Variants in SPNS2 observed in about 807,000 individuals in gnomAD.
SPNS2 encodes the protein sphingosine-1-phosphate transporter SPNS2.
In SPNS2, 37 loss-of-function variants were observed where a neutral mutation model predicts 57.6. The ratio of observed to expected loss-of-function variants is 0.64; its 90% CI spans 0.49 to 0.85. The LOEUF (loss-of-function observed/expected upper bound fraction) is 0.85, where lower values mean the gene tolerates loss of function less well. Ranked by LOEUF, SPNS2 falls within the 40% of genes least tolerant of loss-of-function variation. The pLI is 0.00. For synonymous variants in SPNS2, 440 were observed against 346.9 expected (o/e 1.27, Z -2.98); for missense variants, 831 against 779.1 (o/e 1.07, Z -0.79).
intron 1 of SPNS2, 128 bp from the exon 2 acceptor site, chr17:4,513,119 C>T (rs907042824): frequency 1.6e-5 from 16 of 1,002,150 alleles, no homozygotes; most frequent in African/African-American, 4.8e-5. Context: ...GGGTAGAGGT[C>T]GCAGCAGAGC....
chr17:4,534,711 T>C (rs924204408), intron 9 of SPNS2, among the ~76,000 whole-genome samples: 47 of 151,962 alleles, frequency 3.1e-4, no homozygotes, highest in Non-Finnish European at 7.4e-5. Context: ...CCCGAGTCCA[T>C]GGGCTGCGGT....
At position 4,538,116 on chromosome 17, in the gene SPNS2, G is replaced by A. The variant is rs2144394411; in HGVS notation, c.*668G>A. ...AGCCTGGAGGTCCCAGATGGGGACT[G>A]TTCTGACAAGCTGGCATCACCAGGG... On this transcript the variant is annotated 3_prime_UTR_variant, in exon 13 of 13. Coordinates refer to ENST00000329078, the MANE Select transcript of SPNS2 (RefSeq NM_001124758.3). 3.2e-6 allele frequency: 1 copy of A among 316,674 alleles called. No homozygotes were observed. Among genetic ancestry groups the A allele is most frequent in the Non-Finnish European group, 6.3e-6 (1 of 159,806 alleles). 19.6% of individuals were successfully genotyped at this position (316,674 alleles called of 1,614,324 possible).
In SPNS2 at chr17:4,513,164, C is replaced by A. The variant is rs866103501; in HGVS notation, c.371-83C>A. ...GCAGATATGGCCAGGCTGGGCCCTG[C>A]AAGGCGGGAAAGAGGCTGGGCTGGT... On this transcript the variant is annotated intron_variant, in intron 1 of 12. Transcript: ENST00000329078. 8.7e-6 allele frequency: 13 copies of A among 1,492,608 alleles called. No individual in the cohort carries two copies. In the African/African-American group the frequency reaches 9.6e-5, roughly 11 times the overall value. 92.5% of individuals were successfully genotyped at this position (1,492,608 alleles called of 1,614,324 possible).
chr17:4,509,547 C>T (rs895584945), intron 1 of SPNS2, among the ~76,000 whole-genome samples: 1 of 152,174 alleles, frequency 6.6e-6, no homozygotes, highest in Non-Finnish European at 1.5e-5. Context: ...GAGGTGTGGG[C>T]GTGTTTGTGG....
rs1905828965 is a variant in SPNS2, at chr17:4,536,661, G to GT, written c.1607+235_1607+236insT. 1.1e-5 allele frequency: 7 copies of GT among 663,066 alleles called. No homozygotes were observed. The South Asian group carries it at 1.1e-4, about 11-fold the overall frequency. The allele number at this position is 663,066 out of a possible 1,614,324, so 41.1% of individuals were successfully genotyped here. A position where few individuals can be genotyped will look rare whatever the true frequency, so the allele number is the denominator to read the frequency against. On this transcript the variant is annotated intron_variant, in intron 11 of 12. Transcript: ENST00000329078. ...ACTTGGGTTTGTCTCTGGACTTAGT[G>GT]GTTTTCAAAGCTGGGGCCCCTCCCC...
At chr17:4,521,149 C>A (rs542055187) in intron 2 of SPNS2, among the ~76,000 whole-genome samples, 1 of 152,292 alleles carries the variant, frequency 6.6e-6, no homozygotes, top group Admixed American at 6.5e-5. Flanking sequence ...ATAGGTTGTC[C>A]TTTAAACAGA....
Position 4,506,174 on chromosome 17 carries a change from C to A in SPNS2, c.370+6757C>A, listed in dbSNP as rs148537178. Among the ~76,000 whole-genome samples, 760 of 152,274 alleles carry A rather than the reference C, an allele frequency of 5.0e-3. 1 individual carries two copies. Among genetic ancestry groups the A allele is most frequent in the Middle Eastern group, 0.01 (3 of 294 alleles). ...GGCCTGGCTCCTGCAGCCTCTGTCC[C>A]GCTCACCTTCTGCACGTCAGCTTCC... is the stretch of plus-strand genomic sequence containing the variant. On this transcript the variant is annotated intron_variant, in intron 1 of 12. Coordinates refer to ENST00000329078, the MANE Select transcript of SPNS2 (RefSeq NM_001124758.3).
intron 5 of SPNS2, 91 bp from the exon 6 acceptor site, chr17:4,532,451 A>C: frequency 1.3e-6 from 2 of 1,571,384 alleles, no homozygotes; most frequent in Non-Finnish European, 1.7e-6. Flanking sequence ...CCTATGGCCC[A>C]GAGAAGGCAT....
chr17:4,526,163 T>C (rs966439106), intron 3 of SPNS2, among the ~76,000 whole-genome samples: 9 of 152,178 alleles, frequency 5.9e-5, no homozygotes, highest in Admixed American at 2.0e-4. Context: ...AACAGTCTCT[T>C]GAAATCCGTG....
At chr17:4,516,336 A>ACC (rs1904991318) in intron 2 of SPNS2, among the ~76,000 whole-genome samples, 1 of 126,666 alleles carries the variant, frequency 7.9e-6, no homozygotes, top group Non-Finnish European at 1.6e-5. Context: ...AAAAAAAAAA[A>ACC]AAAAAAACAA....
chr17:4,536,849 G>GCCCGGC lies in SPNS2; in HGVS notation c.1608-47_1608-42dup, dbSNP rs773717313. ...CACGATGTGCCAGAGCAGTGCCCGG[G>GCCCGGC]CCCGGCCCCCGCTGATGCACCACCC... On this transcript the variant is annotated intron_variant, in intron 11 of 12. Coordinates refer to ENST00000329078, the MANE Select transcript of SPNS2 (RefSeq NM_001124758.3). 84 of 1,508,212 alleles carry GCCCGGC rather than the reference G, an allele frequency of 5.6e-5. No homozygotes were observed. The Admixed American group carries it at 1.3e-3, about 23-fold the overall frequency. The allele number at this position is 1,508,212 out of a possible 1,614,324, so 93.4% of individuals were successfully genotyped here. A position where few individuals can be genotyped will look rare whatever the true frequency, so the allele number is the denominator to read the frequency against.
At chr17:4,530,194 C>G (rs1323338994) in intron 3 of SPNS2, among the ~76,000 whole-genome samples, 1 of 152,158 alleles carries the variant, frequency 6.6e-6, no homozygotes, top group Admixed American at 6.5e-5. Flanking sequence ...GCCCTCAGTG[C>G]TGCCAGGGTT....
At chr17:4,501,144 G>T (rs1420522180) in intron 1 of SPNS2, among the ~76,000 whole-genome samples, 1 of 152,232 alleles carries the variant, frequency 6.6e-6, no homozygotes, top group Non-Finnish European at 1.5e-5. Flanking sequence ...GACTGGCAAA[G>T]CTGGTGTTAG....
Position 4,512,453 on chromosome 17 carries a change from C to T in SPNS2, c.371-794C>T, listed in dbSNP as rs1438015882. On this transcript the variant is annotated intron_variant, in intron 1 of 12. Transcript: ENST00000329078. The surrounding 1 kb of genome is among the most constrained non-coding windows in gnomAD (Gnocchi z 5.2). ...GGTTTCTGGGTGGTCCAGCTGCTGCCCCCACCCCGTGACGTGCAAAGCCCT... is the reference window on the plus strand; with the variant it reads ...GGTTTCTGGGTGGTCCAGCTGCTGCTCCCACCCCGTGACGTGCAAAGCCCT... Among the ~76,000 whole-genome samples the T allele has an allele frequency of 6.6e-6, 1 of 152,062 alleles. No individual in the cohort carries two copies. Among genetic ancestry groups the T allele is most frequent in the Non-Finnish European group, 1.5e-5 (1 of 67,998 alleles).
rs1000336248 is a variant in SPNS2 at position 4,499,131 on chromosome 17, G to A, written c.84G>A (p.Arg28=). Reference sequence around the variant, plus strand: ...ACGCGGAGCGGCGGCGCCGGCGCCGGGGGGCGCAGCGAGGGGCTGGCGGTA... The same window carrying A: ...ACGCGGAGCGGCGGCGCCGGCGCCGAGGGGCGCAGCGAGGGGCTGGCGGTA... ...EADAERRRRR[R]GAQRGAGGSG... The change falls in exon 1 of 13, where the codon CGG becomes CGA. Residue 28 remains arginine (R), a synonymous_variant. Coordinates refer to ENST00000329078, the MANE Select transcript of SPNS2 (RefSeq NM_001124758.3). The surrounding 1 kb of genome is among the most constrained non-coding windows in gnomAD (Gnocchi z 5.2). The A allele has an allele frequency of 2.1e-5, 24 of 1,151,430 alleles. No homozygotes were observed. Among genetic ancestry groups the A allele is most frequent in the Non-Finnish European group, 2.5e-5 (23 of 935,868 alleles). The allele number at this position is 1,151,430 out of a possible 1,614,324, so 71.3% of individuals were successfully genotyped here.
chr17:4,524,398 G>C (rs948563277), intron 2 of SPNS2, among the ~76,000 whole-genome samples: 6 of 152,172 alleles, frequency 3.9e-5, no homozygotes, highest in Admixed American at 6.5e-5. Context: ...TACATGATGA[G>C]ATATGGCTGG....
rs1045845 is a variant in SPNS2, at chr17:4,538,590, C to G, written c.*1142C>G. On this transcript the variant is annotated 3_prime_UTR_variant, in exon 13 of 13. Transcript: ENST00000329078. ...AGCTTAGCCCCCTGCGTCACCCACT[C>G]CCTGCACTTCTGCTGCAATCAAGGT... is the stretch of plus-strand genomic sequence containing the variant. 162,039 of 411,274 alleles carry G rather than the reference C, an allele frequency of 0.39. 32,779 individuals carry two copies. The highest frequency in any genetic ancestry group is 0.47 in the East Asian group (8,480 of 18,180). The allele number at this position is 411,274 out of a possible 1,614,324, so 25.5% of individuals were successfully genotyped here.
chr17:4,537,232 G>A lies in SPNS2; in HGVS notation c.*5-221G>A, dbSNP rs140757448. On this transcript the variant is annotated intron_variant, in intron 12 of 12. Transcript: ENST00000329078. ...TGGCCAGGAACTCCTCACTCTGTCC[G>A]GACTTCTGTTCTCCCAAATCCTCCT... Among the ~76,000 whole-genome samples, 880 of 152,190 alleles carry A rather than the reference G, an allele frequency of 5.8e-3. 8 individuals carry two copies. Among genetic ancestry groups the A allele is most frequent in the African/African-American group, 0.02 (815 of 41,430 alleles).
chr17:4,532,765 T>G, intron 6 of SPNS2, 81 bp downstream of exon 6: 1 of 1,532,788 alleles, frequency 6.5e-7, no homozygotes, highest in Non-Finnish European at 8.8e-7. Flanking sequence ...GGCAGCCCAC[T>G]AGCACCCTCA....
Sources: gnomAD v4.1 joint callset for allele counts (sites outside exome capture counted in the v4.1 genomes callset) on GRCh38, gnomAD v4.1.1 for gene constraint, Gnocchi (gnomAD v3.1) non-coding constraint, MANE v1.5 for transcripts, NCBI Gene and HGNC (gene_info 2026-07-23, HGNC 2026-07-21) for gene names.